Variants in ZNF160 observed in about 807,000 individuals in gnomAD.
The protein encoded by ZNF160 is KRAB zinc finger protein KR18.
Under a neutral mutation model 13.1 loss-of-function variants are expected in ZNF160, and 9 were observed. The ratio of observed to expected loss-of-function variants is 0.69; its 90% CI spans 0.41 to 1.20. The LOEUF (loss-of-function observed/expected upper bound fraction) is 1.20, where lower values mean the gene tolerates loss of function less well. Ranked by LOEUF, ZNF160 falls within the 50% of genes most tolerant of loss-of-function variation. The pLI is 0.01. For missense variants in ZNF160, 838 were observed against 988.0 expected (o/e 0.85, Z 2.04); for synonymous variants, 293 against 333.2 (o/e 0.88, Z 1.31).
Position 53,079,903 on chromosome 19 carries a change from T to C in ZNF160, c.16-4720A>G, listed in dbSNP as rs544905439. 8.4e-4 allele frequency among the ~76,000 whole-genome samples: 128 copies of C among 152,048 alleles called. 1 individual carries two copies. The highest frequency in any genetic ancestry group is 1.4e-3 in the Non-Finnish European group (92 of 68,002). ...GAGTTCGAGACCAACATGGGCAACA[T>C]AGTGAGACTCTGTCTCTATTTTTTA... is the stretch of plus-strand genomic sequence containing the variant. On this transcript the variant is annotated intron_variant, in intron 3 of 5. Transcript: ENST00000683776.
At chr19:53,090,002 C>A (rs559307550) in intron 2 of ZNF160, among the ~76,000 whole-genome samples, 1 of 152,050 alleles carries the variant, frequency 6.6e-6, no homozygotes. Context: ...CCAATCTCCA[C>A]ATATTTCTGC....
rs1288889033 is a variant in ZNF160, at chr19:53,068,344, T to A, written c.2190A>T (p.Lys730Asn). 1 of 1,613,990 alleles carries A rather than the reference T, an allele frequency of 6.2e-7. No individual in the cohort carries two copies. The highest frequency in any genetic ancestry group is 1.1e-5 in the South Asian group (1 of 91,070). The part of the protein sequence containing the change: ...LTTHQAIHTG[K>N]KPYKCNECGK... The stretch of plus-strand genomic sequence containing the variant: ...CACATTCATTACATTTGTAAGGTTT[T>A]TTCCCAGTATGGATTGCCTGATGGG... The change falls in exon 6 of 6, where the codon AAA becomes AAT. Residue 730 changes from lysine (K) to asparagine (N), a missense_variant. Physicochemically the swap from Lys to Asn is moderately conservative, Grantham distance 94. Transcript: ENST00000683776.
intron 5 of ZNF160, among the ~76,000 whole-genome samples, chr19:53,070,861 C>T (rs923100761): frequency 6.6e-6 from 1 of 152,060 alleles, no homozygotes; most frequent in African/African-American, 2.4e-5. Context: ...TTGAGACCAG[C>T]CTGGGCAACA....
chr19:53,070,248 A>G lies in ZNF160; in HGVS notation c.286T>C (p.Cys96Arg). Residue 96 changes from cysteine (C) to arginine (R), a missense_variant, in exon 6 of 6, where the codon TGT becomes CGT. Coordinates refer to ENST00000683776, the MANE Select transcript of ZNF160 (RefSeq NM_001322131.2). ...KGVVTDIPPK[C>R]TIKDLLPKEK... ...TTTGGTAGCAAATCCTTGATTGTACATTTAGGAGGGATATCTACAAGATAT... is the reference window on the plus strand; with the variant it reads ...TTTGGTAGCAAATCCTTGATTGTACGTTTAGGAGGGATATCTACAAGATAT... 1 of 1,593,410 alleles carries G rather than the reference A, an allele frequency of 6.3e-7. No homozygotes were observed. The highest frequency in any genetic ancestry group is 1.1e-5 in the South Asian group (1 of 87,864).
In ZNF160 at chr19:53,092,444, G is replaced by A. The variant is rs191474179; in HGVS notation, c.-353-724C>T. On this transcript the variant is annotated intron_variant, in intron 1 of 5. Transcript: ENST00000683776. Reference sequence around the variant, plus strand: ...TCCTGTCTCAGCCTCCCAAGTAACCGGGATTACAGGCACACGCCACTAGGC... The same window carrying A: ...TCCTGTCTCAGCCTCCCAAGTAACCAGGATTACAGGCACACGCCACTAGGC... 1.1e-3 allele frequency among the ~76,000 whole-genome samples: 170 copies of A among 152,196 alleles called. 1 individual carries two copies. The highest frequency in any genetic ancestry group is 1.7e-3 in the Non-Finnish European group (116 of 68,026).
rs1246132000 is a variant in ZNF160 at position 53,075,183 on chromosome 19, C to T, written c.16G>A (p.Val6Ile). Residue 6 changes from valine to isoleucine, a missense_variant and splice_region_variant, in exon 4 of 6, where the codon GTA (valine) becomes ATA (isoleucine). Around this residue, in one of 3 missense-constraint regions of ZNF160, gnomAD observed 387 missense variants for 402.3 expected, o/e 0.96. Coordinates refer to ENST00000683776, the MANE Select transcript of ZNF160 (RefSeq NM_001322131.2). ...GCCACATCCCTAAATGTCAACCGTA[C>T]CTAAAATGAAAAACACATTTCACCA... MALTQ[V>I]RLTFRDVAIE... 1 of 1,613,350 alleles carries T rather than the reference C, an allele frequency of 6.2e-7. No homozygotes were observed.
chr19:53,101,153 A>C (rs1263437920), intron 1 of ZNF160, among the ~76,000 whole-genome samples: 1 of 148,636 alleles, frequency 6.7e-6, no homozygotes, highest in Non-Finnish European at 1.5e-5. Flanking sequence ...GGTGGCACAC[A>C]CCTGTAATCC....
At chr19:53,080,171 TCAC>T (rs2084574341) in intron 3 of ZNF160, among the ~76,000 whole-genome samples, 1 of 151,526 alleles carries the variant, frequency 6.6e-6, no homozygotes, top group Non-Finnish European at 1.5e-5. Context: ...CGATCTTGGC[TCAC>T]CACAACCTCT....
At chr19:53,099,859 T>A (rs1253256372) in intron 1 of ZNF160, among the ~76,000 whole-genome samples, 1 of 152,154 alleles carries the variant, frequency 6.6e-6, no homozygotes, top group Admixed American at 6.5e-5. Flanking sequence ...CACTAAGTCA[T>A]CCAAGTTGAA....
At chr19:53,072,356 T>C (rs535670833) in intron 5 of ZNF160, among the ~76,000 whole-genome samples, 22 of 152,264 alleles carry the variant, frequency 1.4e-4, no homozygotes, top group African/African-American at 5.1e-4. Context: ...TGCCTCTGCC[T>C]CCCCAAGTGC....
intron 3 of ZNF160, among the ~76,000 whole-genome samples, chr19:53,081,611 AC>A (rs1158490684): frequency 6.6e-6 from 1 of 150,988 alleles, no homozygotes; most frequent in African/African-American, 2.4e-5. Context: ...TAAAAAAAAA[AC>A]AACAAATATT....
intron 1 of ZNF160, 135 bp from the exon 2 acceptor site, chr19:53,091,855 A>T (rs530962494): frequency 2.0e-5 from 3 of 152,368 alleles, no homozygotes; most frequent in African/African-American, 4.8e-5. Context: ...TTCCATTTCT[A>T]TTCCCCGCGC....
chr19:53,067,784 T>C lies in ZNF160; in HGVS notation c.*293A>G. The stretch of plus-strand genomic sequence containing the variant: ...AAACAGGGAAACCAGAGACTGTTAT[T>C]CCTCCTAGGAATCCTCACTTACCAT... On this transcript the variant is annotated 3_prime_UTR_variant, in exon 6 of 6. Coordinates refer to ENST00000683776, the MANE Select transcript of ZNF160 (RefSeq NM_001322131.2). 3 of 309,284 alleles carry C rather than the reference T, an allele frequency of 9.7e-6. No homozygotes were observed. The highest frequency in any genetic ancestry group is 1.8e-5 in the Non-Finnish European group (3 of 167,306). 19.2% of individuals were successfully genotyped at this position (309,284 alleles called of 1,614,324 possible). A position where few individuals can be genotyped will look rare whatever the true frequency, so the allele number is the denominator to read the frequency against.
In ZNF160 at chr19:53,069,992, A is replaced by G. The variant is rs2084106664; in HGVS notation, c.542T>C (p.Leu181Pro). The G allele has an allele frequency of 6.2e-7, 1 of 1,613,990 alleles. No individual in the cohort carries two copies. The highest frequency in any genetic ancestry group is 1.3e-5 in the African/African-American group (1 of 74,922). ...DIENKLMNNQ[L>P]GVSFHSHLPE... ...CAGATGAGAATGAAAGCTTACTCCA[A>G]GCTGATTGTTCATAAGCTTGTTTTC... is the stretch of plus-strand genomic sequence containing the variant. The change falls in exon 6 of 6, where the codon CTT (leucine) becomes CCT (proline). Residue 181 changes from leucine to proline, a missense_variant. Leu to Pro is a moderately conservative substitution (Grantham distance 98). This residue lies in a region of ZNF160 where 387 missense variants were observed against 402.3 expected (regional missense o/e 0.96). Coordinates refer to ENST00000683776, the MANE Select transcript of ZNF160 (RefSeq NM_001322131.2). The surrounding 1 kb of genome is among the most constrained non-coding windows in gnomAD (Gnocchi z 4.4).
chr19:53,072,952 T>A (rs2084234963), intron 5 of ZNF160: 2 of 758,552 alleles, frequency 2.6e-6, no homozygotes, highest in Non-Finnish European at 3.2e-6. Context: ...ATATGATTTT[T>A]AAAAAAATTC....
intron 5 of ZNF160, among the ~76,000 whole-genome samples, chr19:53,070,651 T>G (rs2084135969): frequency 6.6e-6 from 1 of 152,118 alleles, no homozygotes; most frequent in African/African-American, 2.4e-5. Flanking sequence ...CTTGACCTCA[T>G]GAGCCGCCTG....
intron 4 of ZNF160, 100 bp from the exon 5 acceptor site, chr19:53,074,368 T>C: frequency 1.3e-6 from 2 of 1,508,778 alleles, no homozygotes; most frequent in South Asian, 2.6e-5. Flanking sequence ...TAAGAAAACT[T>C]CAAAAATTCA....
At position 53,068,162 on chromosome 19, in the gene ZNF160, C is replaced by T. The variant is rs757799835; in HGVS notation, c.2372G>A (p.Cys791Tyr). The T allele has an allele frequency of 1.9e-6, 3 of 1,614,174 alleles. No homozygotes were observed. The highest frequency in any genetic ancestry group is 2.5e-6 in the Non-Finnish European group (3 of 1,180,010). Residue 791 changes from cysteine to tyrosine, a missense_variant, in exon 6 of 6, where the codon TGT becomes TAT. Around this residue, in one of 3 missense-constraint regions of ZNF160, gnomAD observed 51 missense variants for 46.9 expected, o/e 1.09. Transcript: ENST00000683776. ...AIHTGEKRYK[C>Y]NECGKVFRQS... ...CCTGAAGACCTTGCCACACTCATTA[C>T]ATTTGTAACGCTTTTCTCCAGTGTG...
intron 3 of ZNF160, among the ~76,000 whole-genome samples, chr19:53,081,942 A>T (rs777145089): frequency 1.8e-4 from 28 of 152,238 alleles, no homozygotes; most frequent in Admixed American, 3.3e-4. Flanking sequence ...ACAGCCATAA[A>T]AAAACAAAAT....
Sources: gnomAD v4.1 joint callset for allele counts (sites outside exome capture counted in the v4.1 genomes callset) on GRCh38, gnomAD v4.1.1 for gene constraint, gnomAD v4.1.1 regional missense constraint, Gnocchi (gnomAD v3.1) non-coding constraint, MANE v1.5 for transcripts, NCBI Gene and HGNC (gene_info 2026-07-23, HGNC 2026-07-21) for gene names.